The following CELF2 variants were observed in gnomAD, a reference collection of about 807,000 sequenced individuals.
CELF2 encodes the protein CUG triplet repeat RNA-binding protein 2.
CELF2 carries 8 observed loss-of-function variants against 62.6 expected under a neutral mutation model. The observed-to-expected ratio is 0.13, with a 90% confidence interval of 0.07 to 0.23. The LOEUF is 0.23. Among genes scored for constraint, CELF2 ranks in the 10% least tolerant of loss-of-function variants. The probability of loss-of-function intolerance (pLI) is 1.00; values close to 1 mark genes in which losing one functional copy is unlikely to be tolerated. For synonymous variants in CELF2, 258 were observed against 250.0 expected (o/e 1.03, Z -0.30); for missense variants, 333 against 671.0 (o/e 0.50, Z 5.56).
At chr10:11,212,065 C>T (rs2061989723) in intron 2 of CELF2, among the ~76,000 whole-genome samples, 1 of 152,182 alleles carries the variant, frequency 6.6e-6, no homozygotes. Context: ...CTCTCCACTT[C>T]TGATCCATGA....
In CELF2 at chr10:11,039,099, C is replaced by T. The variant is rs1001576341; in HGVS notation, c.74+20936C>T. On this transcript the variant is annotated intron_variant, in intron 1 of 12. Transcript: ENST00000633077. This position sits in a 1 kb window ranked among gnomAD's most constrained non-coding sequence, Gnocchi z 4.1. ...TGCATCCACACCACTCTCATGGCAT[C>T]GACCATGTAACGGCGATAACAGCCG... 6.6e-6 allele frequency among the ~76,000 whole-genome samples: 1 copy of T among 152,180 alleles called. No homozygotes were observed. Among genetic ancestry groups the T allele is most frequent in the Admixed American group, 6.5e-5 (1 of 15,268 alleles).
chr10:10,736,468 T>A, the CELF2 span, among the ~76,000 whole-genome samples: 1 of 150,626 alleles, frequency 6.6e-6, no homozygotes, highest in Non-Finnish European at 1.5e-5. Context: ...ATATGTCAAA[T>A]AGGCAAAATA....
At chr10:10,558,604 G>T in the CELF2 span, among the ~76,000 whole-genome samples, 4 of 152,004 alleles carry the variant, frequency 2.6e-5, no homozygotes, top group African/African-American at 9.7e-5. Context: ...AGTTTCAGAA[G>T]GAATGGTACC....
rs115061891 is a variant in CELF2, at chr10:11,244,918, C to G, written c.355-4235C>G. ...CTTCCTCCATCTGTGTCTGGTGTCTCTTCTCTGAGTTCGCACCGTACAGCT... is the reference window on the plus strand; with the variant it reads ...CTTCCTCCATCTGTGTCTGGTGTCTGTTCTCTGAGTTCGCACCGTACAGCT... On this transcript the variant is annotated intron_variant, in intron 3 of 12. Transcript: ENST00000633077. The surrounding 1 kb of genome is among the most constrained non-coding windows in gnomAD (Gnocchi z 4.2). Among the ~76,000 whole-genome samples, 1 of 152,168 alleles carries G rather than the reference C, an allele frequency of 6.6e-6. No homozygotes were observed. Among genetic ancestry groups the G allele is most frequent in the Admixed American group, 6.5e-5 (1 of 15,286 alleles).
chr10:11,197,828 G>C (rs2058346064), intron 2 of CELF2, among the ~76,000 whole-genome samples: 1 of 152,224 alleles, frequency 6.6e-6, no homozygotes, highest in South Asian at 2.1e-4. Flanking sequence ...TTCTTTATGA[G>C]GACTCTTCTG....
chr10:10,477,148 T>C, the CELF2 span, among the ~76,000 whole-genome samples: 1 of 152,220 alleles, frequency 6.6e-6, no homozygotes, highest in Non-Finnish European at 1.5e-5. Flanking sequence ...TGGACAAATA[T>C]ATCATCAATC....
intron 5 of CELF2, among the ~76,000 whole-genome samples, chr10:11,262,412 G>C (rs2080936111): frequency 6.6e-6 from 1 of 152,166 alleles, no homozygotes; most frequent in Non-Finnish European, 1.5e-5. Flanking sequence ...AAATGAATCA[G>C]TTTTCACACA....
At position 11,288,630 on chromosome 10, in the gene CELF2, G is replaced by A; in HGVS notation, c.976+78G>A. ...TAGGTTTCCGTGCCTCCAGGTGCGA[G>A]GGTGAGGCTAGACGTGTCCAGGATG... On this transcript the variant is annotated intron_variant, in intron 9 of 12. Coordinates refer to ENST00000633077, the MANE Select transcript of CELF2 (RefSeq NM_001326342.2). The A allele has an allele frequency of 2.6e-6, 4 of 1,539,312 alleles. No homozygotes were observed. In the South Asian group the frequency reaches 4.7e-5, roughly 18 times the overall value.
the CELF2 span, among the ~76,000 whole-genome samples, chr10:10,640,374 A>G: frequency 2.0e-5 from 3 of 151,656 alleles, no homozygotes. Context: ...CCCAAGCACT[A>G]CTCCCTTCTC....
the CELF2 span, among the ~76,000 whole-genome samples, chr10:10,502,137 A>C: frequency 1.3e-5 from 2 of 152,028 alleles, no homozygotes; most frequent in Non-Finnish European, 2.9e-5. Context: ...ATAATTCTTC[A>C]TATATATTAC....
chr10:11,090,661 A>G (rs1373855941), intron 1 of CELF2, among the ~76,000 whole-genome samples: 1 of 152,240 alleles, frequency 6.6e-6, no homozygotes, highest in Non-Finnish European at 1.5e-5. Flanking sequence ...AGATATTATG[A>G]TATATCTACA....
the CELF2 span, among the ~76,000 whole-genome samples, chr10:10,469,446 A>G: frequency 7.9e-5 from 12 of 152,012 alleles, no homozygotes; most frequent in South Asian, 2.5e-3. Context: ...TTATGCAGAG[A>G]CTTCACCACA....
At chr10:10,590,445 G>C in the CELF2 span, among the ~76,000 whole-genome samples, 2 of 152,210 alleles carry the variant, frequency 1.3e-5, no homozygotes, top group African/African-American at 4.8e-5. Context: ...CCCAACTGGA[G>C]AGTAAGTTGT....
upstream of CELF2, among the ~76,000 whole-genome samples, chr10:11,003,013 C>G (rs1215327789): frequency 6.6e-6 from 1 of 152,106 alleles, no homozygotes; most frequent in Non-Finnish European, 1.5e-5. This position sits in a 1 kb window ranked among gnomAD's most constrained non-coding sequence, Gnocchi z 4.4. Context: ...TTGGGGAGGT[C>G]AAAGACTTAC....
intron 3 of CELF2, among the ~76,000 whole-genome samples, chr10:11,221,546 CAT>C (rs3055308): frequency 0.025 from 3,850 of 152,270 alleles, 178 homozygotes; most frequent in East Asian, 0.22. Flanking sequence ...GGTCTTAACA[CAT>C]ATTGTCTCTG....
At chr10:11,259,705 G>T (rs988705258) in intron 5 of CELF2, among the ~76,000 whole-genome samples, 2 of 152,128 alleles carry the variant, frequency 1.3e-5, no homozygotes, top group Non-Finnish European at 2.9e-5. Flanking sequence ...AGGGATACTA[G>T]CATGCCTTCC....
At chr10:10,509,226 C>T in the CELF2 span, among the ~76,000 whole-genome samples, 1 of 152,160 alleles carries the variant, frequency 6.6e-6, no homozygotes, top group Non-Finnish European at 1.5e-5. Context: ...GGATATTACT[C>T]TGTTGTCCTT....
intron 1 of CELF2, among the ~76,000 whole-genome samples, chr10:10,843,198 C>G (rs1436579778): frequency 6.6e-6 from 1 of 151,898 alleles, no homozygotes; most frequent in Non-Finnish European, 1.5e-5. Context: ...AACAGAAAAA[C>G]AACAAAGAAA....
At chr10:10,709,845 C>T in the CELF2 span, among the ~76,000 whole-genome samples, 1 of 152,180 alleles carries the variant, frequency 6.6e-6, no homozygotes, top group Non-Finnish European at 1.5e-5. Flanking sequence ...AATGTGTGAT[C>T]TCTTACTTCT....
Sources: gnomAD v4.1 joint callset for allele counts (sites outside exome capture counted in the v4.1 genomes callset) on GRCh38, gnomAD v4.1.1 for gene constraint, Gnocchi (gnomAD v3.1) non-coding constraint, MANE v1.5 for transcripts, NCBI Gene and HGNC (gene_info 2026-07-23, HGNC 2026-07-21) for gene names.